Variants in WWOX observed in about 807,000 individuals in gnomAD.
The protein encoded by WWOX is WW domain-containing oxidoreductase.
WWOX carries 69 observed loss-of-function variants against 46.2 expected under a neutral mutation model. The ratio of observed to expected loss-of-function variants is 1.49; its 90% CI spans 1.23 to 1.82. The LOEUF is 1.82. WWOX is among the 40% of genes most tolerant of loss of function. The pLI, the probability that WWOX is intolerant of heterozygous loss-of-function variation, is 0.00. For synonymous variants in WWOX, 359 were observed against 202.6 expected (o/e 1.77, Z -6.56); for missense variants, 919 against 542.6 (o/e 1.69, Z -6.89).
intron 8 of WWOX, among the ~76,000 whole-genome samples, chr16:78,632,350 C>G (rs138426155): frequency 4.4e-3 from 669 of 152,132 alleles, no homozygotes; most frequent in Middle Eastern, 0.014. Flanking sequence ...TCAGCATGCC[C>G]AAAGTATCAG....
chr16:78,128,651 C>G (rs578202094), intron 4 of WWOX, among the ~76,000 whole-genome samples: 1 of 152,164 alleles, frequency 6.6e-6, no homozygotes, highest in African/African-American at 2.4e-5. Flanking sequence ...TATAGAAACT[C>G]TTTTTCCTGG....
At chr16:79,036,841 T>C (rs2047876666) in intron 8 of WWOX, among the ~76,000 whole-genome samples, 2 of 152,172 alleles carry the variant, frequency 1.3e-5, no homozygotes, top group South Asian at 2.1e-4. Context: ...TAGCATCAGG[T>C]ATTTTAGACA....
chr16:78,853,717 G>C (rs2151183095), intron 8 of WWOX, among the ~76,000 whole-genome samples: 1 of 152,176 alleles, frequency 6.6e-6, no homozygotes, highest in East Asian at 1.9e-4. Flanking sequence ...TGGGGGTGTA[G>C]TGGGCTTCCT....
chr16:78,860,359 C>T lies in WWOX; in HGVS notation c.1057-351249C>T, dbSNP rs546699833. ...CACACTTGGCCCCCTTTGGATATAA[C>T]GTCTGTTCTGAGCACCTCCCATTCA... On this transcript the variant is annotated intron_variant, in intron 8 of 8. Coordinates refer to ENST00000566780, the MANE Select transcript of WWOX (RefSeq NM_016373.4). Among the ~76,000 whole-genome samples, 6 of 152,288 alleles carry T rather than the reference C, an allele frequency of 3.9e-5. No individual in the cohort carries two copies. The South Asian group carries it at 6.2e-4, about 16-fold the overall frequency.
chr16:78,460,364 C>T (rs1434936483), intron 8 of WWOX, among the ~76,000 whole-genome samples: 2 of 152,154 alleles, frequency 1.3e-5, no homozygotes, highest in African/African-American at 4.8e-5. Context: ...CTGACCTCTC[C>T]TCGGCCTTGC....
At chr16:78,178,254 G>C (rs1017290134) in intron 5 of WWOX, among the ~76,000 whole-genome samples, 37 of 152,190 alleles carry the variant, frequency 2.4e-4, no homozygotes, top group African/African-American at 7.2e-4. Context: ...CAGCACTTCT[G>C]TGCTGTCTGC....
chr16:78,622,034 C>T (rs1360586081), intron 8 of WWOX, among the ~76,000 whole-genome samples: 1 of 152,154 alleles, frequency 6.6e-6, no homozygotes, highest in Non-Finnish European at 1.5e-5. Context: ...GTTTTGGCTA[C>T]CCAGTTGTTA....
chr16:78,914,740 A>C (rs529413040), intron 8 of WWOX, among the ~76,000 whole-genome samples: 1 of 151,934 alleles, frequency 6.6e-6, no homozygotes, highest in Non-Finnish European at 1.5e-5. Context: ...TTAACTGGGC[A>C]TGCTGGCAGG....
intron 8 of WWOX, among the ~76,000 whole-genome samples, chr16:78,969,334 A>G (rs568415558): frequency 6.7e-6 from 1 of 148,684 alleles, no homozygotes; most frequent in East Asian, 2.0e-4. Flanking sequence ...CAATGGTGCT[A>G]TCTTGGCCCA....
At position 78,744,631 on chromosome 16, in the gene WWOX, C is replaced by T. The variant is rs149342341; in HGVS notation, c.1056+311879C>T. Among the ~76,000 whole-genome samples, 278 of 151,892 alleles carry T rather than the reference C, an allele frequency of 1.8e-3. 1 individual carries two copies. Among genetic ancestry groups the T allele is most frequent in the African/African-American group, 6.2e-3 (255 of 41,404 alleles). ...ATTTTTAGTAGAGATGAGGTTTCAC[C>T]ATGTTGGCCAGGCTAGTCTTGAATT... On this transcript the variant is annotated intron_variant, in intron 8 of 8. Coordinates refer to ENST00000566780, the MANE Select transcript of WWOX (RefSeq NM_016373.4).
chr16:79,022,943 A>C (rs947454448), intron 8 of WWOX, among the ~76,000 whole-genome samples: 1 of 152,186 alleles, frequency 6.6e-6, no homozygotes, highest in Non-Finnish European at 1.5e-5. Flanking sequence ...TCTGCTAATA[A>C]TACCTATGGC....
chr16:78,800,471 T>A (rs535885971), intron 8 of WWOX, among the ~76,000 whole-genome samples: 1 of 152,318 alleles, frequency 6.6e-6, no homozygotes, highest in East Asian at 1.9e-4. Flanking sequence ...TAAAGTGGTA[T>A]CCACACTTCT....
At chr16:78,333,505 T>G (rs1039641234) in intron 5 of WWOX, among the ~76,000 whole-genome samples, 1 of 152,204 alleles carries the variant, frequency 6.6e-6, no homozygotes, top group Non-Finnish European at 1.5e-5. Context: ...TTGACAGAAT[T>G]TAAGATTAGT....
chr16:79,201,137 A>G (rs398255), intron 8 of WWOX, among the ~76,000 whole-genome samples: 59,415 of 151,870 alleles, frequency 0.39, 14,111 homozygotes, highest in Non-Finnish European at 0.55. Flanking sequence ...CAGGAGTCCA[A>G]TGTAAGGACT....
At chr16:78,211,966 C>G (rs1486384872) in intron 5 of WWOX, among the ~76,000 whole-genome samples, 1 of 152,198 alleles carries the variant, frequency 6.6e-6, no homozygotes, top group East Asian at 1.9e-4. Flanking sequence ...CCTGGTAGCT[C>G]TATTTATTTG....
At chr16:78,529,975 G>C (rs1236880594) in intron 8 of WWOX, among the ~76,000 whole-genome samples, 1 of 152,290 alleles carries the variant, frequency 6.6e-6, no homozygotes, top group East Asian at 1.9e-4. Flanking sequence ...CCCTTTGCAG[G>C]CAGGAAGTGG....
At chr16:78,535,801 A>C (rs1205125991) in intron 8 of WWOX, among the ~76,000 whole-genome samples, 1 of 152,216 alleles carries the variant, frequency 6.6e-6, no homozygotes. Flanking sequence ...AGAGAGAACC[A>C]GACACAAGTT....
At chr16:79,151,527 G>T (rs1012502807) in intron 8 of WWOX, among the ~76,000 whole-genome samples, 12 of 152,226 alleles carry the variant, frequency 7.9e-5, no homozygotes, top group Admixed American at 3.3e-4. Context: ...TGTTCAGGTT[G>T]AAGACAAACA....
intron 8 of WWOX, among the ~76,000 whole-genome samples, chr16:79,033,634 C>G (rs2047809178): frequency 6.6e-6 from 1 of 152,048 alleles, no homozygotes; most frequent in African/African-American, 2.4e-5. Context: ...TATTGTTGTG[C>G]TAACATCATG....
Sources: allele counts gnomAD v4.1 joint callset (sites outside exome capture counted in the v4.1 genomes callset), GRCh38; gene constraint gnomAD v4.1.1; transcripts MANE v1.5; gene names NCBI Gene and HGNC (gene_info 2026-07-23, HGNC 2026-07-21).